The following RXRG variants were observed in gnomAD, a reference collection of about 807,000 sequenced individuals.
RXRG encodes retinoic acid receptor RXR-gamma.
Under a neutral mutation model 49.2 loss-of-function variants are expected in RXRG, and 19 were observed. That is an observed-to-expected ratio of 0.39 (90% CI 0.27 to 0.57). The LOEUF (loss-of-function observed/expected upper bound fraction) is 0.57, where lower values mean the gene tolerates loss of function less well. Among genes scored for constraint, RXRG ranks in the 20% least tolerant of loss-of-function variants. RXRG has a pLI of 0.64. For missense variants in RXRG, 452 were observed against 592.5 expected (o/e 0.76, Z 2.46); for synonymous variants, 224 against 216.6 (o/e 1.03, Z -0.30).
At chr1:165,431,926 T>C (rs1210047405) in intron 1 of RXRG, among the ~76,000 whole-genome samples, 1 of 152,222 alleles carries the variant, frequency 6.6e-6, no homozygotes, top group East Asian at 1.9e-4. Flanking sequence ...TAAAATTATC[T>C]TCCTAAAGAT....
intron 9 of RXRG, among the ~76,000 whole-genome samples, chr1:165,404,096 G>T (rs1657668365): frequency 6.6e-6 from 1 of 152,208 alleles, no homozygotes; most frequent in Non-Finnish European, 1.5e-5. Context: ...CTCTCCCACT[G>T]AGAAATCTGC....
At chr1:165,440,497 A>G (rs746462695) in intron 1 of RXRG, among the ~76,000 whole-genome samples, 4 of 152,202 alleles carry the variant, frequency 2.6e-5, no homozygotes, top group African/African-American at 4.8e-5. Flanking sequence ...AAATGCTCCA[A>G]CGAGCATTTC....
At chr1:165,435,233 A>C (rs1359578214) in intron 1 of RXRG, among the ~76,000 whole-genome samples, 2 of 152,350 alleles carry the variant, frequency 1.3e-5, no homozygotes, top group East Asian at 1.9e-4. Flanking sequence ...ATTTCCAATA[A>C]GGGATACTCA....
chr1:165,420,765 A>C (rs1474122501), intron 2 of RXRG, among the ~76,000 whole-genome samples: 1 of 152,204 alleles, frequency 6.6e-6, no homozygotes, highest in East Asian at 1.9e-4. Context: ...CAAATTGAAT[A>C]CATTTGAGCC....
At chr1:165,443,955 C>T (rs1659080046) in intron 1 of RXRG, among the ~76,000 whole-genome samples, 1 of 152,204 alleles carries the variant, frequency 6.6e-6, no homozygotes, top group African/African-American at 2.4e-5. Flanking sequence ...AACTGACAAG[C>T]GACAGGCCAG....
At chr1:165,403,273 C>T (rs1657643779) in intron 9 of RXRG, among the ~76,000 whole-genome samples, 1 of 152,204 alleles carries the variant, frequency 6.6e-6, no homozygotes, top group Non-Finnish European at 1.5e-5. Flanking sequence ...CATAAAGTCA[C>T]TCTACTCACA....
chr1:165,432,785 G>C (rs74806111), intron 1 of RXRG, among the ~76,000 whole-genome samples: 4 of 152,202 alleles, frequency 2.6e-5, no homozygotes, highest in African/African-American at 9.7e-5. Context: ...AGGATGAGTG[G>C]TGTTTCTTGC....
rs1204988997 is a variant in RXRG at position 165,408,216 on chromosome 1, A to AG, written c.1138+10dup. The stretch of plus-strand genomic sequence containing the variant: ...GAACACACACATCCCCTGGGGTTGA[A>AG]GGGCGGTTACCTGGGTTAAAGAGTA... On this transcript the variant is annotated intron_variant, in intron 8 of 9. Coordinates refer to ENST00000359842, the MANE Select transcript of RXRG (RefSeq NM_006917.5). 6.2e-7 allele frequency: 1 copy of AG among 1,608,066 alleles called. No individual in the cohort carries two copies. Among genetic ancestry groups the AG allele is most frequent in the South Asian group, 1.1e-5 (1 of 90,978 alleles).
chr1:165,444,798 A>G lies in RXRG; in HGVS notation c.49+47T>C, dbSNP rs377262857. ...CATTCGTATTTCCCAATTTCTTCTC[A>G]GTCTCTCATACAGGTCCACGCAGTG... is the stretch of plus-strand genomic sequence containing the variant. On this transcript the variant is annotated intron_variant, in intron 1 of 9. Transcript: ENST00000359842. 63 of 1,526,792 alleles carry G rather than the reference A, an allele frequency of 4.1e-5. No individual in the cohort carries two copies. The African/African-American group carries it at 7.2e-4, about 18-fold the overall frequency. The allele number at this position is 1,526,792 out of a possible 1,614,324, so 94.6% of individuals were successfully genotyped here.
intron 6 of RXRG, 70 bp from the exon 7 acceptor site, chr1:165,409,760 G>T: frequency 7.6e-7 from 1 of 1,313,878 alleles, no homozygotes; most frequent in Non-Finnish European, 9.9e-7. Flanking sequence ...ATCACCCAAG[G>T]CATGTACTAT....
At chr1:165,441,311 G>A (rs997880377) in intron 1 of RXRG, among the ~76,000 whole-genome samples, 1 of 152,226 alleles carries the variant, frequency 6.6e-6, no homozygotes, top group African/African-American at 2.4e-5. Flanking sequence ...TGCTGAGGCT[G>A]CATATCTGAG....
rs1174262904 is a variant in RXRG, at chr1:165,428,853, T to A, written c.163A>T (p.Thr55Ser). The A allele has an allele frequency of 6.2e-6, 10 of 1,614,096 alleles. No homozygotes were observed. Among genetic ancestry groups the A allele is most frequent in the Non-Finnish European group, 8.5e-6 (10 of 1,179,988 alleles). The change falls in exon 2 of 10, where the codon ACT (threonine) becomes TCT (serine). Residue 55 changes from threonine (T) to serine (S), a missense_variant. Physicochemically the swap from Thr to Ser is moderately conservative, Grantham distance 58. Transcript: ENST00000359842. ...AGGGGGGTCCCCACTGCACTCAGAGTCCGTGGGGCACTCACTGGGGTATCT... is the reference window on the plus strand; with the variant it reads ...AGGGGGGTCCCCACTGCACTCAGAGACCGTGGGGCACTCACTGGGGTATCT... Reference protein sequence around the residue: ...YTDTPVSAPRTLSAVGTPLNA... With the variant: ...YTDTPVSAPRSLSAVGTPLNA...
intron 2 of RXRG, among the ~76,000 whole-genome samples, chr1:165,422,513 T>G (rs1431155626): frequency 6.6e-6 from 1 of 152,066 alleles, no homozygotes; most frequent in Non-Finnish European, 1.5e-5. Flanking sequence ...TTCAAAAATG[T>G]GTAGGATTTG....
intron 1 of RXRG, among the ~76,000 whole-genome samples, chr1:165,441,755 A>G (rs1659011683): frequency 6.6e-6 from 1 of 152,190 alleles, no homozygotes; most frequent in African/African-American, 2.4e-5. Context: ...TTGTTTTGCC[A>G]TCTTCTAAGA....
chr1:165,439,023 A>G (rs1007912382), intron 1 of RXRG, among the ~76,000 whole-genome samples: 4 of 152,154 alleles, frequency 2.6e-5, no homozygotes, highest in Admixed American at 6.5e-5. Flanking sequence ...ATCCCCACTG[A>G]GTAACCATTA....
At chr1:165,428,677 T>C (rs768047738) in intron 2 of RXRG, 42 bp downstream of exon 2, 84 of 1,549,940 alleles carry the variant, frequency 5.4e-5, no homozygotes, top group Non-Finnish European at 6.5e-5. Context: ...GGTGAAACCA[T>C]GTAAGATGGC....
At chr1:165,436,882 A>T in intron 1 of RXRG, 1 of 1,097,034 alleles carries the variant, frequency 9.1e-7, no homozygotes. Flanking sequence ...TCAATCCCAA[A>T]CTCCTGGTGG....
At chr1:165,414,900 T>A (rs533783940) in intron 4 of RXRG, among the ~76,000 whole-genome samples, 1 of 152,350 alleles carries the variant, frequency 6.6e-6, no homozygotes, top group South Asian at 2.1e-4. Context: ...CTTCTAAAAC[T>A]TCTGATTTCA....
chr1:165,428,518 A>C (rs2101734522), intron 2 of RXRG, among the ~76,000 whole-genome samples: 1 of 152,340 alleles, frequency 6.6e-6, no homozygotes, highest in African/African-American at 2.4e-5. Flanking sequence ...CTGGACCATG[A>C]GGAGTTGTCA....
Sources: allele counts gnomAD v4.1 joint callset (sites outside exome capture counted in the v4.1 genomes callset), GRCh38; gene constraint gnomAD v4.1.1; transcripts MANE v1.5; gene names NCBI Gene and HGNC (gene_info 2026-07-23, HGNC 2026-07-21).